Variants in IMPA1 observed in about 807,000 individuals in gnomAD.
IMPA1 encodes the protein D-galactose 1-phosphate phosphatase.
In IMPA1, 21 loss-of-function variants were observed where a neutral mutation model predicts 34.9. The observed-to-expected ratio is 0.60, with a 90% CI of 0.43 to 0.87. The LOEUF (loss-of-function observed/expected upper bound fraction) is 0.87. Among genes scored for constraint, IMPA1 ranks in the 40% least tolerant of loss-of-function variants. The pLI is 0.00. For missense variants in IMPA1, 299 were observed against 336.4 expected (o/e 0.89, Z 0.87); for synonymous variants, 95 against 104.4 (o/e 0.91, Z 0.55).
At chr8:81,662,434 C>A (rs181835979) in intron 7 of IMPA1, among the ~76,000 whole-genome samples, 280 of 152,274 alleles carry the variant, frequency 1.8e-3, no homozygotes, top group Non-Finnish European at 3.5e-3. Context: ...AATGGTCTTA[C>A]AATCAGCAAG....
intron 6 of IMPA1, among the ~76,000 whole-genome samples, chr8:81,673,410 A>G (rs920471871): frequency 1.3e-5 from 2 of 152,186 alleles, no homozygotes; most frequent in African/African-American, 4.8e-5. Context: ...GCCTTTATGT[A>G]CATCTTACAC....
At chr8:81,685,658 CA>C (rs1807493482) in intron 1 of IMPA1, 1 of 409,174 alleles carries the variant, frequency 2.4e-6, no homozygotes, top group East Asian at 9.3e-5. Context: ...TATATAAGTA[CA>C]TTTTATATAT....
intron 1 of IMPA1, among the ~76,000 whole-genome samples, chr8:81,685,505 A>T (rs535320453): frequency 1.4e-5 from 2 of 144,316 alleles, no homozygotes; most frequent in Admixed American, 1.4e-4. Context: ...AAGTATATAT[A>T]CGTAAGTATA....
chr8:81,674,152 C>G, intron 5 of IMPA1: 1 of 484,316 alleles, frequency 2.1e-6, no homozygotes, highest in South Asian at 3.4e-5. Flanking sequence ...TCCTCCCATC[C>G]AAGTCCAGAT....
chr8:81,661,798 C>A (rs946578011), intron 7 of IMPA1, among the ~76,000 whole-genome samples: 1 of 152,182 alleles, frequency 6.6e-6, no homozygotes, highest in Admixed American at 6.5e-5. Flanking sequence ...ATTAAAGACA[C>A]ACACGCTGAA....
At chr8:81,659,602 A>G (rs1806605777) in intron 8 of IMPA1, 136 bp from the exon 9 acceptor site, 3 of 612,112 alleles carry the variant, frequency 4.9e-6, no homozygotes, top group Non-Finnish European at 8.6e-6. Flanking sequence ...CTACTGTTAC[A>G]TTTCTACAAT....
chr8:81,671,010 A>G lies in IMPA1; in HGVS notation c.495T>C (p.Ser165=). 3.3e-6 allele frequency: 5 copies of G among 1,530,062 alleles called. No individual in the cohort carries two copies. The highest frequency in any genetic ancestry group is 4.3e-6 in the Non-Finnish European group (5 of 1,150,540). The allele number at this position is 1,530,062 out of a possible 1,614,324, so 94.8% of individuals were successfully genotyped here. ...TKSLLVTELG[S]SRTPETVRMV... Reference sequence around the variant, plus strand: ...TTCTCACAGTCTCTGGTGTTCTGGAAGAGCCCAACTCAGTCACCAAGAGAG... The same window carrying G: ...TTCTCACAGTCTCTGGTGTTCTGGAGGAGCCCAACTCAGTCACCAAGAGAG... Residue 165 remains serine (S), a synonymous_variant, in exon 7 of 9, where the codon TCT becomes TCC. Transcript: ENST00000256108.
rs768767682 is a variant in IMPA1, at chr8:81,681,533, C to A, written c.28G>T (p.Asp10Tyr). 1.2e-6 allele frequency: 2 copies of A among 1,607,968 alleles called. No homozygotes were observed. The highest frequency in any genetic ancestry group is 1.7e-6 in the Non-Finnish European group (2 of 1,175,028). MADPWQECM[D>Y]YAVTLARQAG... ...TGTCTTGCTAGAGTTACTGCATAAT[C>A]CATGCATTCCTGCCAAGGATCAGCC... Residue 10 changes from aspartate (D) to tyrosine (Y), a missense_variant, in exon 2 of 9, where the codon GAT (aspartate) becomes TAT (tyrosine). Asp to Tyr is a radical substitution (Grantham distance 160). Transcript: ENST00000256108.
Position 81,658,802 on chromosome 8 carries a change from C to T in IMPA1, c.*549G>A, listed in dbSNP as rs1030320236. ...TAGGAATTACTACATTAAAAATATT[C>T]ATTCTTACAATGTTTGTTTTTAGTT... On this transcript the variant is annotated 3_prime_UTR_variant, in exon 9 of 9. Coordinates refer to ENST00000256108, the MANE Select transcript of IMPA1 (RefSeq NM_005536.4). The T allele has an allele frequency of 1.3e-5, 2 of 152,492 alleles. No homozygotes were observed. The highest frequency in any genetic ancestry group is 4.8e-5 in the African/African-American group (2 of 41,416). 9.4% of individuals were successfully genotyped at this position (152,492 alleles called of 1,614,324 possible). A position where few individuals can be genotyped will look rare whatever the true frequency, so the allele number is the denominator to read the frequency against.
At chr8:81,684,631 G>GTATCTTTAGATATATATATCTAGTA (rs1807435883) in intron 1 of IMPA1, among the ~76,000 whole-genome samples, 55 of 100,006 alleles carry the variant, frequency 5.5e-4, no homozygotes, top group Non-Finnish European at 5.9e-4. Context: ...CTACACATAA[G>GTATCTTTAGATATATATATCTAGTA]TATATATACT....
In IMPA1 at chr8:81,673,944, T is replaced by A. The variant is rs768303327; in HGVS notation, c.354A>T (p.Glu118Asp). The change falls in exon 6 of 9, where the codon GAA becomes GAT. Residue 118 changes from glutamate to aspartate, a missense_variant. Transcript: ENST00000256108. ...SIGFAVNKKI[E>D]FGVVYSCVEG... The stretch of plus-strand genomic sequence containing the variant: ...CCACACAACTGTACACAACTCCAAA[T>A]TCTATCTGCAGAGGAAAACAAGTTT... 1.2e-6 allele frequency: 2 copies of A among 1,600,306 alleles called. No homozygotes were observed. Among genetic ancestry groups the A allele is most frequent in the Non-Finnish European group, 1.7e-6 (2 of 1,168,646 alleles).
At chr8:81,676,889 T>C (rs550051641) in intron 4 of IMPA1, among the ~76,000 whole-genome samples, 1 of 151,870 alleles carries the variant, frequency 6.6e-6, no homozygotes, top group African/African-American at 2.4e-5. Flanking sequence ...GCTTCCCCGG[T>C]AGGCTGAGGC....
chr8:81,669,871 G>T (rs371416301), intron 7 of IMPA1, among the ~76,000 whole-genome samples: 3 of 152,296 alleles, frequency 2.0e-5, no homozygotes, highest in Non-Finnish European at 1.5e-5. Context: ...CTCATGAATG[G>T]ATTAATCCAC....
At chr8:81,686,084 G>GC (rs1807515740) in intron 1 of IMPA1, 168 bp downstream of exon 1, 1 of 950,642 alleles carries the variant, frequency 1.1e-6, no homozygotes, top group Admixed American at 4.0e-5. Context: ...GTCGCCCAGG[G>GC]CAGCTCCGGA....
intron 7 of IMPA1, among the ~76,000 whole-genome samples, chr8:81,669,987 T>A (rs1376303945): frequency 1.3e-5 from 2 of 152,222 alleles, no homozygotes; most frequent in Non-Finnish European, 2.9e-5. Flanking sequence ...CATGTCACAT[T>A]CTGTGCTGCC....
chr8:81,680,344 C>T (rs192118115), intron 3 of IMPA1, among the ~76,000 whole-genome samples: 3 of 152,210 alleles, frequency 2.0e-5, no homozygotes, highest in Admixed American at 1.3e-4. Context: ...GTGCCACCTG[C>T]TCTGGACTAG....
chr8:81,663,858 T>A (rs1471660697), intron 7 of IMPA1, among the ~76,000 whole-genome samples: 3 of 152,006 alleles, frequency 2.0e-5, no homozygotes. Flanking sequence ...GCTAACATGG[T>A]GAAACCCCAT....
intron 1 of IMPA1, among the ~76,000 whole-genome samples, chr8:81,683,112 A>G (rs982606132): frequency 1.3e-5 from 2 of 152,242 alleles, no homozygotes; most frequent in Non-Finnish European, 1.5e-5. Flanking sequence ...GTGAACAGGC[A>G]TGAACTCAAT....
In IMPA1 at chr8:81,680,621, C is replaced by CTGTGT. The variant is rs777306087; in HGVS notation, c.197+28_197+29insACACA. Reference sequence around the variant, plus strand: ...CCCCAAGAAATGGTGAGATAATAAACATTTCTTGTACACAGTAAATAAAAA... The same window carrying CTGTGT: ...CCCCAAGAAATGGTGAGATAATAAACTGTGTATTTCTTGTACACAGTAAATAAAAA... On this transcript the variant is annotated intron_variant, in intron 3 of 8. Coordinates refer to ENST00000256108, the MANE Select transcript of IMPA1 (RefSeq NM_005536.4). The CTGTGT allele has an allele frequency of 3.2e-3, 4,912 of 1,537,596 alleles. 19 individuals carry two copies. Among genetic ancestry groups the CTGTGT allele is most frequent in the Non-Finnish European group, 3.6e-3 (3,972 of 1,117,308 alleles).
Sources: allele counts gnomAD v4.1 joint callset (sites outside exome capture counted in the v4.1 genomes callset), GRCh38; gene constraint gnomAD v4.1.1; transcripts MANE v1.5; gene names NCBI Gene and HGNC (gene_info 2026-07-23, HGNC 2026-07-21).